Variants in PTPN21 observed in about 807,000 individuals in gnomAD.
PTPN21 encodes the protein protein tyrosine phosphatase non-receptor type 21, also known as tyrosine-protein phosphatase non-receptor type 21.
In PTPN21, 77 loss-of-function variants were observed where a neutral mutation model predicts 131.8. The observed-to-expected ratio is 0.58, with a 90% CI of 0.49 to 0.71. PTPN21 has a LOEUF of 0.71. Among genes scored for constraint, PTPN21 ranks in the 30% least tolerant of loss-of-function variants. PTPN21 has a pLI of 0.00. For synonymous variants in PTPN21, 715 were observed against 621.3 expected, an observed-to-expected ratio of 1.15 and a Z score of -2.24; for missense variants, 1,552 against 1,527.1, an observed-to-expected ratio of 1.02 and a Z score of -0.27.
chr14:88,517,851 GTA>G (rs556565577), intron 2 of PTPN21, among the ~76,000 whole-genome samples: 6 of 142,898 alleles, frequency 4.2e-5, no homozygotes, highest in Non-Finnish European at 6.1e-5. Flanking sequence ...TATATATATG[GTA>G]TATATATGTG....
chr14:88,552,288 C>T (rs2078879778), intron 1 of PTPN21: 1 of 152,222 alleles, frequency 6.6e-6, no homozygotes, highest in Admixed American at 6.5e-5. Context: ...AATGGCAGAC[C>T]TGGAGAAAAG....
chr14:88,494,810 A>G (rs112140756), intron 10 of PTPN21, among the ~76,000 whole-genome samples: 5,589 of 151,618 alleles, frequency 0.037, 343 homozygotes, highest in African/African-American at 0.13. Flanking sequence ...TCAGGAGATC[A>G]AGACCATCCT....
chr14:88,523,490 T>C (rs755324629), intron 2 of PTPN21, among the ~76,000 whole-genome samples: 44 of 152,010 alleles, frequency 2.9e-4, no homozygotes, highest in Non-Finnish European at 5.3e-4. Context: ...ACAGCTAATA[T>C]CATACTCCAT....
chr14:88,508,499 C>A (rs749739443), intron 3 of PTPN21, among the ~76,000 whole-genome samples: 29 of 152,118 alleles, frequency 1.9e-4, no homozygotes, highest in Non-Finnish European at 3.7e-4. Flanking sequence ...ATGACACTTA[C>A]ACATATTAAA....
Position 88,480,052 on chromosome 14 carries a change from C to T in PTPN21, c.1379G>A (p.Arg460Lys). The change falls in exon 13 of 19, where the codon AGG (arginine) becomes AAG (lysine). Residue 460 changes from arginine to lysine, a missense_variant. Arg to Lys is a conservative substitution (Grantham distance 26). Transcript: ENST00000556564. ...CTGCCGTTCCGCATGCACCAGGCCC[C>T]TGTTGAGCTGCTTCATCACAGTCTC... The part of the protein sequence containing the change: ...DYETVMKQLN[R>K]GLVHAERQSH... The T allele has an allele frequency of 6.2e-7, 1 of 1,614,058 alleles. No homozygotes were observed.
chr14:88,480,233 T>C lies in PTPN21; in HGVS notation c.1198A>G (p.Thr400Ala). 1 of 1,614,138 alleles carries C rather than the reference T, an allele frequency of 6.2e-7. No homozygotes were observed. Among genetic ancestry groups the C allele is most frequent in the Non-Finnish European group, 8.5e-7 (1 of 1,179,960 alleles). ...RNGSVYSAHS[T>A]NSLNNPQPYL... ...GGCTGAGGATTATTTAAGGAGTTGG[T>C]GCTGTGTGCACTGTAGACACTGCCA... The change falls in exon 13 of 19, where the codon ACC (threonine) becomes GCC (alanine). Residue 400 changes from threonine to alanine, a missense_variant. Around this residue, in one of 4 missense-constraint regions of PTPN21, gnomAD observed 1,016 missense variants for 883.5 expected, o/e 1.15. Transcript: ENST00000556564.
At chr14:88,488,759 A>G (rs55725614) in intron 10 of PTPN21, among the ~76,000 whole-genome samples, 5,623 of 152,272 alleles carry the variant, frequency 0.037, 353 homozygotes, top group African/African-American at 0.13. Flanking sequence ...TCATGGCTGT[A>G]GTGCACTACG....
chr14:88,467,260 C>G lies in PTPN21; in HGVS notation c.*877G>C, dbSNP rs937472829. On this transcript the variant is annotated 3_prime_UTR_variant, in exon 19 of 19. Coordinates refer to ENST00000556564, the MANE Select transcript of PTPN21 (RefSeq NM_007039.4). Reference sequence around the variant, plus strand: ...CTACAAAGCAACACATATATTAAAACTCAGATTTGTTTTTAACAAAAAAGT... The same window carrying G: ...CTACAAAGCAACACATATATTAAAAGTCAGATTTGTTTTTAACAAAAAAGT... The G allele has an allele frequency of 3.3e-5, 5 of 152,216 alleles. No homozygotes were observed. The highest frequency in any genetic ancestry group is 4.4e-5 in the Non-Finnish European group (3 of 68,030). The allele number at this position is 152,216 out of a possible 1,614,324, so 9.4% of individuals were successfully genotyped here. A position where few individuals can be genotyped will look rare whatever the true frequency, so the allele number is the denominator to read the frequency against.
Position 88,483,749 on chromosome 14 carries a change from G to C in PTPN21, c.1078+1327C>G, listed in dbSNP as rs115752361. Among the ~76,000 whole-genome samples the C allele has an allele frequency of 4.0e-3, 607 of 152,286 alleles. 6 individuals are homozygous for C. Among genetic ancestry groups the C allele is most frequent in the African/African-American group, 0.014 (586 of 41,562 alleles). ...AAATCCACCCATCTTTTCAGATACA[G>C]AAAGTTCTTCTCAATCTCCCCAATG... On this transcript the variant is annotated intron_variant, in intron 12 of 18. Coordinates refer to ENST00000556564, the MANE Select transcript of PTPN21 (RefSeq NM_007039.4).
chr14:88,522,535 T>C (rs547993711), intron 2 of PTPN21, among the ~76,000 whole-genome samples: 2 of 152,120 alleles, frequency 1.3e-5, no homozygotes, highest in East Asian at 3.8e-4. Context: ...ATATTGACTT[T>C]GTAGCTTGTC....
At chr14:88,516,902 C>G (rs2078279378) in intron 3 of PTPN21, among the ~76,000 whole-genome samples, 190 bp downstream of exon 3, 1 of 152,136 alleles carries the variant, frequency 6.6e-6, no homozygotes, top group Non-Finnish European at 1.5e-5. Flanking sequence ...GCCTAGTGAA[C>G]CCATAAGTTA....
chr14:88,516,007 T>C (rs537052210), intron 3 of PTPN21, among the ~76,000 whole-genome samples: 2 of 152,212 alleles, frequency 1.3e-5, no homozygotes, highest in African/African-American at 2.4e-5. Flanking sequence ...CTCCTAATCA[T>C]TAACTGGCAG....
intron 12 of PTPN21, among the ~76,000 whole-genome samples, chr14:88,484,817 G>A (rs1006961756): frequency 6.6e-6 from 1 of 152,134 alleles, no homozygotes; most frequent in Admixed American, 6.5e-5. Flanking sequence ...GAATCTAGGA[G>A]GTGGATGTTG....
intron 3 of PTPN21, among the ~76,000 whole-genome samples, chr14:88,508,965 G>A (rs373659106): frequency 3.0e-4 from 46 of 152,248 alleles, no homozygotes; most frequent in African/African-American, 1.0e-3. Flanking sequence ...TATTCTGCAC[G>A]AACTTGGGCA....
intron 4 of PTPN21, among the ~76,000 whole-genome samples, chr14:88,506,016 G>A (rs1199757015): frequency 1.3e-5 from 2 of 152,092 alleles, no homozygotes; most frequent in Non-Finnish European, 1.5e-5. Flanking sequence ...AAGGCTAAAT[G>A]CCAGTTATTG....
rs1418817888 is a variant in PTPN21, at chr14:88,479,974, G to C, written c.1457C>G (p.Pro486Arg). The C allele has an allele frequency of 6.2e-7, 1 of 1,610,242 alleles. No homozygotes were observed. The highest frequency in any genetic ancestry group is 1.1e-5 in the South Asian group (1 of 91,078). ...NIGSSYAYSRPAALVYSQPEI... is the reference protein window; with the variant it reads ...NIGSSYAYSRRAALVYSQPEI... Reference sequence around the variant, plus strand: ...GGGCTGGCTGTAGACCAGCGCCGCGGGCCTGCTGTAGGCGTACGAGCTGCC... The same window carrying C: ...GGGCTGGCTGTAGACCAGCGCCGCGCGCCTGCTGTAGGCGTACGAGCTGCC... The change falls in exon 13 of 19, where the codon CCC becomes CGC. Residue 486 changes from proline to arginine, a missense_variant. Physicochemically the swap from Pro to Arg is moderately radical, Grantham distance 103. This residue lies in a region of PTPN21 where 1,016 missense variants were observed against 883.5 expected (regional missense o/e 1.15). Coordinates refer to ENST00000556564, the MANE Select transcript of PTPN21 (RefSeq NM_007039.4).
chr14:88,507,048 C>CAA (rs34922069), intron 4 of PTPN21, among the ~76,000 whole-genome samples: 8 of 145,756 alleles, frequency 5.5e-5, no homozygotes, highest in Non-Finnish European at 6.0e-5. Flanking sequence ...GACTCCATCT[C>CAA]AAAAAAAAAA....
chr14:88,552,308 A>G (rs2078880102), intron 1 of PTPN21: 2 of 152,256 alleles, frequency 1.3e-5, no homozygotes, highest in African/African-American at 2.4e-5. Flanking sequence ...GGGTTCCGCT[A>G]CTACCCTCGG....
chr14:88,543,035 T>C (rs1364493194), intron 2 of PTPN21, among the ~76,000 whole-genome samples: 1 of 152,224 alleles, frequency 6.6e-6, no homozygotes, highest in African/African-American at 2.4e-5. Context: ...AAACAGCTAG[T>C]ACACAAGGAA....
Sources: gnomAD v4.1 joint callset for allele counts (sites outside exome capture counted in the v4.1 genomes callset) on GRCh38, gnomAD v4.1.1 for gene constraint, gnomAD v4.1.1 regional missense constraint, MANE v1.5 for transcripts, NCBI Gene and HGNC (gene_info 2026-07-23, HGNC 2026-07-21) for gene names.